FGGY: variants seen among roughly 807,000 people sequenced by gnomAD.
FGGY encodes the protein FGGY carbohydrate kinase domain containing.
Under a neutral mutation model 71.3 loss-of-function variants are expected in FGGY, and 72 were observed. The observed-to-expected ratio is 1.01, with a 90% CI of 0.84 to 1.23. FGGY has a LOEUF of 1.23. FGGY is among the 50% of genes most tolerant of loss of function. The pLI is 0.00. For missense variants in FGGY, 668 were observed against 682.3 expected (o/e 0.98, Z 0.23); for synonymous variants, 251 against 250.3 (o/e 1.00, Z -0.02).
At chr1:59,449,179 C>T (rs1247105903) in intron 5 of FGGY, among the ~76,000 whole-genome samples, 1 of 152,176 alleles carries the variant, frequency 6.6e-6, no homozygotes, top group Admixed American at 6.5e-5. Flanking sequence ...ACCCTTTTCT[C>T]AATATGTAAT....
chr1:59,754,753 C>T (rs1228787194), intron 14 of FGGY: 2 of 152,240 alleles, frequency 1.3e-5, no homozygotes, highest in African/African-American at 4.8e-5. Context: ...TGCTCCACCT[C>T]GTTAGGTGGC....
rs74086294 is a variant in FGGY at position 59,674,663 on chromosome 1, T to C, written c.1512+530T>C. Among the ~76,000 whole-genome samples, 527 of 152,344 alleles carry C rather than the reference T, an allele frequency of 3.5e-3. 3 individuals are homozygous for C. Among genetic ancestry groups the C allele is most frequent in the African/African-American group, 0.012 (504 of 41,580 alleles). On this transcript the variant is annotated intron_variant, in intron 14 of 15. Coordinates refer to ENST00000303721, the MANE Select transcript of FGGY (RefSeq NM_018291.5). ...TTAAACACATAATTTGGCTCAGAGC[T>C]TCCTGGCAGGCAAGACAAAAAAGAA... is the stretch of plus-strand genomic sequence containing the variant.
At chr1:59,640,053 C>A (rs568242446) in intron 11 of FGGY, among the ~76,000 whole-genome samples, 1 of 152,288 alleles carries the variant, frequency 6.6e-6, no homozygotes, top group East Asian at 1.9e-4. Context: ...TACATGGGGA[C>A]ATATGCCCAG....
intron 3 of FGGY, among the ~76,000 whole-genome samples, chr1:59,344,745 A>G (rs936553053): frequency 7.2e-5 from 11 of 152,180 alleles, no homozygotes; most frequent in Non-Finnish European, 1.6e-4. Context: ...TGTTAGGTAA[A>G]TACTTGTTAT....
intron 4 of FGGY, among the ~76,000 whole-genome samples, chr1:59,356,188 T>C (rs895137265): frequency 6.6e-6 from 1 of 152,090 alleles, no homozygotes; most frequent in Non-Finnish European, 1.5e-5. Flanking sequence ...AGCACTTGAA[T>C]TTGAGACTTA....
chr1:59,579,179 T>C (rs2096139869), intron 8 of FGGY, among the ~76,000 whole-genome samples: 2 of 152,134 alleles, frequency 1.3e-5, no homozygotes, highest in African/African-American at 4.8e-5. Context: ...CCCTCCCTTC[T>C]CAAAACCCCT....
rs183516288 is a variant in FGGY, at chr1:59,592,623, A to C, written c.904-15180A>C. Among the ~76,000 whole-genome samples the C allele has an allele frequency of 3.1e-4, 47 of 152,328 alleles. 1 individual carries two copies. The highest frequency in any genetic ancestry group is 5.9e-4 in the Admixed American group (9 of 15,300). ...TACAGCCATGAAAATTGATGAGTTCATGTCCTTTGTGGGGACATGGATGAA... is the reference window on the plus strand; with the variant it reads ...TACAGCCATGAAAATTGATGAGTTCCTGTCCTTTGTGGGGACATGGATGAA... On this transcript the variant is annotated intron_variant, in intron 8 of 15. Transcript: ENST00000303721.
In FGGY at chr1:59,569,185, G is replaced by A. The variant is rs1032351044; in HGVS notation, c.903+14958G>A. On this transcript the variant is annotated intron_variant, in intron 8 of 15. Transcript: ENST00000303721. ...ACTTTCTAATCCTCACAACAAATAT[G>A]TAAGGCTAATTGTCGAATCCCTGAA... Among the ~76,000 whole-genome samples, 8 of 152,132 alleles carry A rather than the reference G, an allele frequency of 5.3e-5. No individual in the cohort carries two copies. The East Asian group carries it at 1.3e-3, about 26-fold the overall frequency.
intron 8 of FGGY, among the ~76,000 whole-genome samples, chr1:59,577,491 A>G (rs1404055476): frequency 6.6e-6 from 1 of 151,802 alleles, no homozygotes; most frequent in Non-Finnish European, 1.5e-5. Context: ...GAGGGTTCAG[A>G]ATTCCAGTAT....
intron 5 of FGGY, among the ~76,000 whole-genome samples, chr1:59,393,756 A>G (rs937323566): frequency 4.6e-5 from 7 of 152,136 alleles, no homozygotes; most frequent in Non-Finnish European, 8.8e-5. Context: ...GATCTTGCCC[A>G]GTGTGGTTTT....
chr1:59,342,258 C>T (rs1242782133), intron 3 of FGGY, among the ~76,000 whole-genome samples: 1 of 152,080 alleles, frequency 6.6e-6, no homozygotes, highest in Non-Finnish European at 1.5e-5. Flanking sequence ...AAAAAGTTTT[C>T]TCAGTAAGTC....
chr1:59,598,338 A>G (rs2096543705), intron 8 of FGGY, among the ~76,000 whole-genome samples: 1 of 152,214 alleles, frequency 6.6e-6, no homozygotes, highest in African/African-American at 2.4e-5. Flanking sequence ...TCTCTCTTGC[A>G]AAGCAATCTG....
chr1:59,674,248 G>A, intron 14 of FGGY, 115 bp downstream of exon 14: 1 of 709,820 alleles, frequency 1.4e-6, no homozygotes, highest in East Asian at 2.8e-5. Context: ...AGAAATGATA[G>A]GTTCCAGCCA....
intron 5 of FGGY, among the ~76,000 whole-genome samples, chr1:59,451,399 G>C (rs537652663): frequency 1.3e-5 from 2 of 149,574 alleles, no homozygotes; most frequent in African/African-American, 4.9e-5. Context: ...TTGTAGAACA[G>C]CAAGCCTATT....
intron 7 of FGGY, among the ~76,000 whole-genome samples, chr1:59,537,023 A>T (rs575892422): frequency 1.3e-5 from 2 of 152,108 alleles, no homozygotes. Flanking sequence ...AAGGAAATAA[A>T]GGGTATTCAA....
intron 4 of FGGY, among the ~76,000 whole-genome samples, chr1:59,372,399 A>C (rs1484641984): frequency 1.3e-5 from 2 of 152,242 alleles, no homozygotes; most frequent in Non-Finnish European, 2.9e-5. Context: ...ACAGGCTCTG[A>C]AATTGTGGCA....
chr1:59,486,228 G>T (rs1047808527), intron 6 of FGGY, among the ~76,000 whole-genome samples: 1 of 152,170 alleles, frequency 6.6e-6, no homozygotes, highest in African/African-American at 2.4e-5. Context: ...GAACACTTAA[G>T]AAGAGCCAAG....
At chr1:59,296,776 G>A (rs1411037814), upstream of FGGY, 2 of 150,182 alleles carry the variant, frequency 1.3e-5, no homozygotes, top group South Asian at 2.1e-4. Context: ...GGCCGCGCCG[G>A]CGGGGGCGGG....
intron 6 of FGGY, among the ~76,000 whole-genome samples, chr1:59,475,461 T>A (rs1249203709): frequency 6.6e-6 from 1 of 152,232 alleles, no homozygotes; most frequent in Non-Finnish European, 1.5e-5. Context: ...TAGAAGAGTT[T>A]TTCTTTTCAT....
Sources: gnomAD v4.1 joint callset for allele counts (sites outside exome capture counted in the v4.1 genomes callset) on GRCh38, gnomAD v4.1.1 for gene constraint, MANE v1.5 for transcripts, NCBI Gene and HGNC (gene_info 2026-07-23, HGNC 2026-07-21) for gene names.